Variants in FRAS1 observed in about 807,000 individuals in gnomAD.
FRAS1 encodes extracellular matrix organizing protein FRAS1.
FRAS1 carries 290 observed loss-of-function variants against 435.2 expected under a neutral mutation model. That is an observed-to-expected ratio of 0.67 (90% CI 0.61 to 0.73). The LOEUF (loss-of-function observed/expected upper bound fraction) is 0.73. Ranked by LOEUF, FRAS1 falls within the 30% of genes least tolerant of loss-of-function variation. The probability of loss-of-function intolerance (pLI) is 0.00; values close to 1 mark genes in which losing one functional copy is unlikely to be tolerated. For missense variants in FRAS1, 4,860 were observed against 5,001.5 expected (o/e 0.97, Z 0.85); for synonymous variants, 1,800 against 1,851.0 (o/e 0.97, Z 0.71).
At chr4:78,433,030 C>T (rs151304935) in intron 38 of FRAS1, among the ~76,000 whole-genome samples, 42 of 152,342 alleles carry the variant, frequency 2.8e-4, no homozygotes, top group Non-Finnish European at 4.4e-4. Flanking sequence ...CAGTTTCTGT[C>T]TCAGGTCTAG....
chr4:78,303,617 A>G (rs1022317328), intron 14 of FRAS1, among the ~76,000 whole-genome samples: 2 of 152,052 alleles, frequency 1.3e-5, no homozygotes, highest in Non-Finnish European at 2.9e-5. Flanking sequence ...CTTTGAAGCA[A>G]TTGTGAATGG....
At chr4:78,461,704 T>G (rs1237106510) in intron 47 of FRAS1, among the ~76,000 whole-genome samples, 3 of 152,118 alleles carry the variant, frequency 2.0e-5, no homozygotes, top group Admixed American at 2.0e-4. Context: ...TCCTGAAAAA[T>G]TAAGCATACA....
intron 4 of FRAS1, 32 bp downstream of exon 4, chr4:78,245,357 T>C: frequency 7.2e-7 from 1 of 1,395,922 alleles, no homozygotes; most frequent in Non-Finnish European, 1.0e-6. Context: ...GTTGATTCTG[T>C]GTCTGCAGAT....
chr4:78,267,566 C>T (rs533708743), intron 9 of FRAS1, 134 bp downstream of exon 9: 20 of 772,958 alleles, frequency 2.6e-5, no homozygotes, highest in Non-Finnish European at 3.8e-5. Context: ...ATAGGACCTT[C>T]TAGTGTAAAG....
At chr4:78,333,137 C>A in intron 18 of FRAS1, 135 bp from the exon 19 acceptor site, 1 of 948,560 alleles carries the variant, frequency 1.1e-6, no homozygotes, top group Non-Finnish European at 1.5e-6. Flanking sequence ...GTGAGATGTG[C>A]AGCCTGTCAT....
chr4:78,450,514 G>C, intron 45 of FRAS1, 175 bp downstream of exon 45: 1 of 594,792 alleles, frequency 1.7e-6, no homozygotes, highest in Non-Finnish European at 2.9e-6. Context: ...TTTTAAAAAA[G>C]CCCTATCTTT....
At chr4:78,223,219 G>T (rs575784459) in intron 2 of FRAS1, among the ~76,000 whole-genome samples, 1 of 152,042 alleles carries the variant, frequency 6.6e-6, no homozygotes, top group Non-Finnish European at 1.5e-5. Flanking sequence ...GATGGGCTCC[G>T]CATCCCTGGC....
intron 2 of FRAS1, among the ~76,000 whole-genome samples, chr4:78,196,996 C>G (rs184702392): frequency 1.4e-4 from 21 of 152,192 alleles, no homozygotes; most frequent in Non-Finnish European, 3.1e-4. Flanking sequence ...GAGATTGGGA[C>G]AAAGTAGAAC....
At chr4:78,266,423 T>C (rs1024829121) in intron 7 of FRAS1, among the ~76,000 whole-genome samples, 1 of 152,196 alleles carries the variant, frequency 6.6e-6, no homozygotes, top group African/African-American at 2.4e-5. Flanking sequence ...TCCCCTCCGG[T>C]TGGACAGTGT....
At chr4:78,140,791 T>C (rs1343254646) in intron 2 of FRAS1, among the ~76,000 whole-genome samples, 3 of 151,522 alleles carry the variant, frequency 2.0e-5, no homozygotes, top group African/African-American at 7.3e-5. Context: ...ATATATCTCA[T>C]GTATATATAT....
chr4:78,271,441 T>A (rs1349401444), intron 9 of FRAS1, among the ~76,000 whole-genome samples: 1 of 152,148 alleles, frequency 6.6e-6, no homozygotes, highest in Non-Finnish European at 1.5e-5. Flanking sequence ...ATTAGGTATA[T>A]CTCCTAATGC....
At chr4:78,540,401 C>T in intron 73 of FRAS1, 130 bp from the exon 74 acceptor site, 1 of 531,686 alleles carries the variant, frequency 1.9e-6, no homozygotes, top group Non-Finnish European at 3.3e-6. Context: ...TTAGTAGACA[C>T]CAACCATTGC....
chr4:78,298,369 A>G (rs900916623), intron 14 of FRAS1, among the ~76,000 whole-genome samples: 2 of 151,904 alleles, frequency 1.3e-5, no homozygotes, highest in African/African-American at 4.8e-5. Context: ...ACCTTATAAT[A>G]TCATGTTGTA....
intron 2 of FRAS1, among the ~76,000 whole-genome samples, chr4:78,077,876 A>G (rs1740723204): frequency 6.6e-6 from 1 of 151,568 alleles, no homozygotes; most frequent in South Asian, 2.1e-4. Flanking sequence ...TGCTTTATTT[A>G]TTATACTGAA....
intron 2 of FRAS1, among the ~76,000 whole-genome samples, chr4:78,151,310 AT>A (rs1225745838): frequency 6.6e-6 from 1 of 152,102 alleles, no homozygotes; most frequent in African/African-American, 2.4e-5. Context: ...CCAAGTTGAG[AT>A]AGGATACTTT....
chr4:78,244,878 G>T (rs1196503422), intron 3 of FRAS1, among the ~76,000 whole-genome samples: 4 of 152,162 alleles, frequency 2.6e-5, no homozygotes, highest in Non-Finnish European at 5.9e-5. Flanking sequence ...TGCCAGCTCT[G>T]TGGCCATCCC....
At chr4:78,525,501 C>T (rs1158148962) in intron 69 of FRAS1, among the ~76,000 whole-genome samples, 1 of 152,210 alleles carries the variant, frequency 6.6e-6, no homozygotes, top group Admixed American at 6.5e-5. Context: ...TGCCAGTCCA[C>T]TACACTGACC....
At chr4:78,180,499 TAAAA>T (rs1365088564) in intron 2 of FRAS1, among the ~76,000 whole-genome samples, 1 of 152,088 alleles carries the variant, frequency 6.6e-6, no homozygotes, top group East Asian at 1.9e-4. Context: ...AATCCTTAAT[TAAAA>T]AACACAAATG....
At chr4:78,270,558 A>G (rs1423008067) in intron 9 of FRAS1, among the ~76,000 whole-genome samples, 1 of 54,290 alleles carries the variant, frequency 1.8e-5, no homozygotes, top group Non-Finnish European at 3.7e-5. Flanking sequence ...CCCCCCCGCC[A>G]CCACCACCAC....
Sources: gnomAD v4.1 joint callset for allele counts (sites outside exome capture counted in the v4.1 genomes callset) on GRCh38, gnomAD v4.1.1 for gene constraint, MANE v1.5 for transcripts, NCBI Gene and HGNC (gene_info 2026-07-23, HGNC 2026-07-21) for gene names.